UBAC2: variants seen among roughly 807,000 people sequenced by gnomAD.
The protein encoded by UBAC2 is UBA domain containing 2, also known as ubiquitin-associated domain-containing protein 2.
A neutral mutation model predicts 44.0 loss-of-function variants in UBAC2; 26 were observed. The observed-to-expected ratio is 0.59, with a 90% CI of 0.43 to 0.82. UBAC2 has a LOEUF of 0.82. UBAC2 is among the 40% of genes least tolerant of loss of function. The pLI is 0.00. For missense variants in UBAC2, 329 were observed against 419.4 expected, an observed-to-expected ratio of 0.78 and a Z score of 1.88; for synonymous variants, 155 against 154.3, an observed-to-expected ratio of 1.00 and a Z score of -0.04.
At chr13:99,201,792 C>T (rs1022849223) in intron 1 of UBAC2, among the ~76,000 whole-genome samples, 3 of 152,044 alleles carry the variant, frequency 2.0e-5, no homozygotes, top group African/African-American at 7.2e-5. Flanking sequence ...GATCTGTTGG[C>T]CGGGCGCGGT....
chr13:99,318,137 T>A, intron 6 of UBAC2, 68 bp downstream of exon 6: 1 of 1,397,824 alleles, frequency 7.2e-7, no homozygotes, highest in Admixed American at 1.8e-5. Flanking sequence ...AAAATTGTCC[T>A]ATTTAGATTG....
chr13:99,343,246 T>C (rs2044920223), intron 7 of UBAC2, among the ~76,000 whole-genome samples: 1 of 152,228 alleles, frequency 6.6e-6, no homozygotes, highest in Admixed American at 6.5e-5. Context: ...AGACAGGCAC[T>C]TCATGGTGCA....
intron 1 of UBAC2, among the ~76,000 whole-genome samples, chr13:99,227,568 G>A (rs930791025): frequency 1.3e-5 from 2 of 152,188 alleles, no homozygotes; most frequent in Non-Finnish European, 1.5e-5. Context: ...GGAAGAGACG[G>A]GAAATATGTG....
At chr13:99,267,259 A>C (rs1466812827) in intron 4 of UBAC2, among the ~76,000 whole-genome samples, 1 of 152,132 alleles carries the variant, frequency 6.6e-6, no homozygotes, top group Non-Finnish European at 1.5e-5. Context: ...TATGTAATCT[A>C]GATGTTAATC....
At chr13:99,242,593 C>A (rs2043321770) in intron 2 of UBAC2, among the ~76,000 whole-genome samples, 1 of 133,384 alleles carries the variant, frequency 7.5e-6, no homozygotes, top group Non-Finnish European at 1.6e-5. Context: ...GGCAGAGGCG[C>A]CCCTCACCTC....
chr13:99,385,143 C>A, intron 8 of UBAC2, 85 bp from the exon 9 acceptor site: 1 of 1,008,250 alleles, frequency 9.9e-7, no homozygotes, highest in Non-Finnish European at 1.6e-6. Context: ...ACCTTTGCCA[C>A]AAGGCTCACA....
rs1203319381 is a variant in UBAC2 at position 99,244,666 on chromosome 13, A to G, written c.389+42A>G. The G allele has an allele frequency of 5.9e-6, 7 of 1,190,292 alleles. No individual in the cohort carries two copies. The Admixed American group carries it at 1.3e-4, about 22-fold the overall frequency. 73.7% of individuals were successfully genotyped at this position (1,190,292 alleles called of 1,614,324 possible). A position where few individuals can be genotyped will look rare whatever the true frequency, so the allele number is the denominator to read the frequency against. ...GATTGACTTAATTTAGAACTACTTG[A>G]ATCTGATTTAAAGTGTTATTATTAT... On this transcript the variant is annotated intron_variant, in intron 4 of 8. Coordinates refer to ENST00000403766, the MANE Select transcript of UBAC2 (RefSeq NM_001144072.2).
intron 6 of UBAC2, among the ~76,000 whole-genome samples, chr13:99,325,201 CA>C (rs1460366442): frequency 1.4e-5 from 2 of 147,806 alleles, no homozygotes; most frequent in East Asian, 4.0e-4. Context: ...CTCCCGGGTT[CA>C]CACCATTCTC....
intron 7 of UBAC2, among the ~76,000 whole-genome samples, 167 bp downstream of exon 7, chr13:99,340,732 G>A (rs1256656042): frequency 6.6e-6 from 1 of 152,120 alleles, no homozygotes; most frequent in Non-Finnish European, 1.5e-5. Context: ...GCCATTCTTA[G>A]TTTTTTAAAA....
chr13:99,350,687 A>C (rs12877371), intron 7 of UBAC2, among the ~76,000 whole-genome samples: 25,709 of 152,270 alleles, frequency 0.17, 2,395 homozygotes, highest in Middle Eastern at 0.23. Context: ...TGTTTCCCTG[A>C]GTTCTGTGAG....
At chr13:99,276,436 A>C (rs2043883916) in intron 4 of UBAC2, among the ~76,000 whole-genome samples, 1 of 152,132 alleles carries the variant, frequency 6.6e-6, no homozygotes, top group African/African-American at 2.4e-5. Context: ...AACGTATTTT[A>C]CTTACGTTTA....
intron 6 of UBAC2, among the ~76,000 whole-genome samples, chr13:99,320,937 A>C (rs1466732627): frequency 6.6e-6 from 1 of 152,228 alleles, no homozygotes; most frequent in Non-Finnish European, 1.5e-5. Flanking sequence ...GGAGATATTT[A>C]TGCTAAATAA....
chr13:99,225,601 A>G (rs2043102284), intron 1 of UBAC2, among the ~76,000 whole-genome samples: 1 of 152,034 alleles, frequency 6.6e-6, no homozygotes, highest in Non-Finnish European at 1.5e-5. Flanking sequence ...GTATGTGAGC[A>G]CCTCCTTCAC....
intron 7 of UBAC2, among the ~76,000 whole-genome samples, chr13:99,342,958 C>T (rs2044914903): frequency 6.6e-6 from 1 of 152,234 alleles, no homozygotes; most frequent in Non-Finnish European, 1.5e-5. Flanking sequence ...TGTCCTGAGC[C>T]AGCCTGTCCA....
chr13:99,261,440 G>T (rs2043659920), intron 4 of UBAC2, among the ~76,000 whole-genome samples: 1 of 152,202 alleles, frequency 6.6e-6, no homozygotes, highest in Non-Finnish European at 1.5e-5. Flanking sequence ...TTGTCTAAAT[G>T]TGTGGTTTTT....
intron 8 of UBAC2, among the ~76,000 whole-genome samples, chr13:99,373,636 C>T (rs941399815): frequency 1.3e-5 from 2 of 152,160 alleles, no homozygotes; most frequent in Non-Finnish European, 2.9e-5. Flanking sequence ...GAAAGGCCGT[C>T]AGGGCAGTGG....
intron 4 of UBAC2, among the ~76,000 whole-genome samples, chr13:99,290,292 T>C (rs953442062): frequency 2.0e-5 from 3 of 152,248 alleles, no homozygotes; most frequent in African/African-American, 7.2e-5. Flanking sequence ...GTATTTATTA[T>C]TGTTAATCTG....
intron 8 of UBAC2, among the ~76,000 whole-genome samples, chr13:99,371,323 T>C (rs1245031266): frequency 4.6e-5 from 7 of 152,340 alleles, no homozygotes; most frequent in African/African-American, 1.7e-4. Context: ...CACTTTCTTA[T>C]ACATTGATTT....
chr13:99,373,188 T>G (rs572647276), intron 8 of UBAC2, among the ~76,000 whole-genome samples: 2 of 123,142 alleles, frequency 1.6e-5, no homozygotes, highest in African/African-American at 2.8e-5. Context: ...TTTTTTTTTT[T>G]AAACAGGTAT....
Sources: allele counts gnomAD v4.1 joint callset (sites outside exome capture counted in the v4.1 genomes callset), GRCh38; gene constraint gnomAD v4.1.1; transcripts MANE v1.5; gene names NCBI Gene and HGNC (gene_info 2026-07-23, HGNC 2026-07-21).